CFAP54: variants seen among roughly 807,000 people sequenced by gnomAD.
CFAP54 encodes the protein cilia- and flagella-associated protein 54.
A neutral mutation model predicts 370.4 loss-of-function variants in CFAP54; 290 were observed. That is an observed-to-expected ratio of 0.78 (90% CI 0.71 to 0.86). The LOEUF is 0.86. CFAP54 is among the 40% of genes least tolerant of loss of function. CFAP54 has a pLI of 0.00. For missense variants in CFAP54, 3,399 were observed against 3,528.7 expected (o/e 0.96, Z 0.93); for synonymous variants, 1,206 against 1,236.5 (o/e 0.98, Z 0.52).
chr12:96,761,310 C>G (rs1958334024), intron 58 of CFAP54, among the ~76,000 whole-genome samples: 1 of 151,960 alleles, frequency 6.6e-6, no homozygotes. Context: ...TTTATTGGGT[C>G]ATTTGTCTTT....
chr12:96,523,846 A>C (rs1955346227), intron 8 of CFAP54, among the ~76,000 whole-genome samples: 2 of 152,294 alleles, frequency 1.3e-5, no homozygotes, highest in South Asian at 2.1e-4. Context: ...TTAAAATTCC[A>C]GATAAAATTA....
chr12:96,552,956 T>C (rs1394304474), intron 15 of CFAP54, among the ~76,000 whole-genome samples: 1 of 152,192 alleles, frequency 6.6e-6, no homozygotes, highest in African/African-American at 2.4e-5. Flanking sequence ...ATAGATGATA[T>C]GAGTTTACCA....
rs1420653 is a variant in CFAP54, at chr12:96,860,842, G to A, written c.9195G>A (p.Pro3065=). Residue 3065 remains proline, a synonymous_variant, in exon 67 of 68, where the codon CCG becomes CCA. Coordinates refer to ENST00000524981, the MANE Select transcript of CFAP54 (RefSeq NM_001306084.2). ...AGGTCCCATTTGATATCTCACTGCC[G>A]TCTATATTCAATCTTGAGAGACTTT... The part of the protein sequence containing the change: ...LSEVPFDISL[P]SIFNLERLFD... The A allele has an allele frequency of 0.75, 1,150,019 of 1,531,442 alleles. 434,315 individuals carry two copies. The highest frequency in any genetic ancestry group is 0.94 in the African/African-American group (68,879 of 73,022). The allele number at this position is 1,531,442 out of a possible 1,614,324, so 94.9% of individuals were successfully genotyped here.
intron 66 of CFAP54, among the ~76,000 whole-genome samples, chr12:96,837,276 A>G (rs993139075): frequency 3.3e-5 from 5 of 152,098 alleles, no homozygotes; most frequent in Admixed American, 6.5e-5. Context: ...GTGACTACCT[A>G]TATCTTATCA....
At chr12:96,498,426 A>G (rs1020084586) in intron 1 of CFAP54, among the ~76,000 whole-genome samples, 4 of 152,252 alleles carry the variant, frequency 2.6e-5, no homozygotes, top group Non-Finnish European at 5.9e-5. Flanking sequence ...AGGCCTAGGC[A>G]GGTGGATCAC....
At chr12:96,513,343 A>G (rs990523906) in intron 5 of CFAP54, among the ~76,000 whole-genome samples, 1 of 152,172 alleles carries the variant, frequency 6.6e-6, no homozygotes, top group Non-Finnish European at 1.5e-5. Context: ...TCTGGTTGCT[A>G]TAGCTTTAGG....
intron 64 of CFAP54, among the ~76,000 whole-genome samples, chr12:96,813,479 T>C (rs1958945939): frequency 6.6e-6 from 1 of 152,188 alleles, no homozygotes. Flanking sequence ...AACCTGCAAA[T>C]TGGGACATCC....
At chr12:96,869,705 G>A (rs1039415758) in intron 67 of CFAP54, among the ~76,000 whole-genome samples, 2 of 152,040 alleles carry the variant, frequency 1.3e-5, no homozygotes, top group African/African-American at 4.8e-5. Flanking sequence ...GGAGGCTGAG[G>A]CGGGTGGATC....
intron 65 of CFAP54, among the ~76,000 whole-genome samples, chr12:96,828,337 C>T (rs1959151678): frequency 1.3e-5 from 2 of 151,632 alleles, no homozygotes; most frequent in South Asian, 2.1e-4. Context: ...TTTGAACTGG[C>T]GGATCAGGAG....
At chr12:96,606,240 G>A (rs148284597) in intron 26 of CFAP54, among the ~76,000 whole-genome samples, 283 of 152,294 alleles carry the variant, frequency 1.9e-3, no homozygotes, top group African/African-American at 6.4e-3. Context: ...TTGGCAGAGG[G>A]CATGAAGGAC....
chr12:96,750,778 CTT>C (rs1399617907), intron 55 of CFAP54, among the ~76,000 whole-genome samples: 1 of 152,212 alleles, frequency 6.6e-6, no homozygotes, highest in African/African-American at 2.4e-5. Context: ...TTTAGAGTCA[CTT>C]AAGGCTGAAC....
chr12:96,731,864 A>G (rs1262707054), intron 50 of CFAP54, among the ~76,000 whole-genome samples: 1 of 152,178 alleles, frequency 6.6e-6, no homozygotes, highest in Non-Finnish European at 1.5e-5. Context: ...TAAATTCTAC[A>G]TTGCAACAAA....
chr12:96,601,576 A>T (rs564021516), intron 26 of CFAP54, among the ~76,000 whole-genome samples: 1 of 152,186 alleles, frequency 6.6e-6, no homozygotes, highest in Non-Finnish European at 1.5e-5. Flanking sequence ...CCGTGAATCC[A>T]TCTGGTCCTG....
Position 96,765,137 on chromosome 12 carries a change from A to G in CFAP54, c.8200A>G (p.Lys2734Glu). 21 of 1,541,174 alleles carry G rather than the reference A, an allele frequency of 1.4e-5. No homozygotes were observed. The highest frequency in any genetic ancestry group is 1.9e-5 in the Non-Finnish European group (21 of 1,130,310). ...LIGKKNTRMHKVNQVALPNIP... is the reference protein window; with the variant it reads ...LIGKKNTRMHEVNQVALPNIP... ...TGGAAAGAAGAATACTAGAATGCAT[A>G]AAGTTAACCAAGTGGCATTACCAAA... The change falls in exon 60 of 68, where the codon AAA becomes GAA. Residue 2734 changes from lysine (K) to glutamate (E), a missense_variant. Coordinates refer to ENST00000524981, the MANE Select transcript of CFAP54 (RefSeq NM_001306084.2).
intron 47 of CFAP54, 115 bp from the exon 48 acceptor site, chr12:96,708,493 C>T: frequency 2.5e-6 from 2 of 808,568 alleles, no homozygotes; most frequent in South Asian, 1.9e-5. Context: ...ATACCCCATG[C>T]CCAGCCCTAT....
Position 96,739,031 on chromosome 12 carries a change from CA to C in CFAP54, c.6966-924del, listed in dbSNP as rs1299169776. ...CCAAGTAAGGTCACATTTTGAGGTA[CA>C]GGGGGTTAAGACCTCAACATACCTT... On this transcript the variant is annotated intron_variant, in intron 50 of 67. Transcript: ENST00000524981. Among the ~76,000 whole-genome samples, 3 of 152,272 alleles carry C rather than the reference CA, an allele frequency of 2.0e-5. No homozygotes were observed. In the East Asian group the frequency reaches 5.8e-4, roughly 29 times the overall value.
rs1565934571 is a variant in CFAP54, at chr12:96,664,793, A to ATCTATATCTATC, written c.5563+862_5563+863insCTATATCTATCT. Among the ~76,000 whole-genome samples the ATCTATATCTATC allele has an allele frequency of 7.3e-4, 19 of 26,176 alleles. No homozygotes were observed. In the East Asian group the frequency reaches 0.017, roughly 23 times the overall value. 17.2% of individuals were successfully genotyped at this position (26,176 alleles called of 152,430 possible). A position where few individuals can be genotyped will look rare whatever the true frequency, so the allele number is the denominator to read the frequency against. On this transcript the variant is annotated intron_variant, in intron 39 of 67. Coordinates refer to ENST00000524981, the MANE Select transcript of CFAP54 (RefSeq NM_001306084.2). ...TATCTATATCTATATATATATATAT[A>ATCTATATCTATC]TATATATATATATATATATAGATAT... is the stretch of plus-strand genomic sequence containing the variant.
At chr12:96,741,798 C>T (rs762624038) in intron 51 of CFAP54, among the ~76,000 whole-genome samples, 21 of 152,030 alleles carry the variant, frequency 1.4e-4, no homozygotes, top group Non-Finnish European at 2.1e-4. Flanking sequence ...AATTATAATA[C>T]GTGTTTGGAA....
Position 96,691,181 on chromosome 12 carries a change from A to T in CFAP54, c.6135A>T (p.Gln2045His), listed in dbSNP as rs17025721. 14 of 1,613,562 alleles carry T rather than the reference A, an allele frequency of 8.7e-6. No individual in the cohort carries two copies. The highest frequency in any genetic ancestry group is 1.3e-5 in the African/African-American group (1 of 74,882). The change falls in exon 44 of 68, where the codon CAA (glutamine) becomes CAT (histidine). Residue 2045 changes from glutamine (Q) to histidine (H), a missense_variant. Transcript: ENST00000524981. ...PHPKAERCYA[Q>H]YEITQLLPGI... ...CCAAAGCTGAACGTTGCTATGCTCAATATGAAATCACTCAGCTTCTCCCAG... is the reference window on the plus strand; with the variant it reads ...CCAAAGCTGAACGTTGCTATGCTCATTATGAAATCACTCAGCTTCTCCCAG...
Sources: allele counts gnomAD v4.1 joint callset (sites outside exome capture counted in the v4.1 genomes callset), GRCh38; gene constraint gnomAD v4.1.1; transcripts MANE v1.5; gene names NCBI Gene and HGNC (gene_info 2026-07-23, HGNC 2026-07-21).